Variants in SLC25A22 observed in about 807,000 individuals in gnomAD.
SLC25A22 encodes mitochondrial glutamate carrier 1.
Under a neutral mutation model 33.7 loss-of-function variants are expected in SLC25A22, and 23 were observed. That is an observed-to-expected ratio of 0.68 (90% CI 0.49 to 0.97). The LOEUF (loss-of-function observed/expected upper bound fraction) is 0.97, where lower values mean the gene tolerates loss of function less well. SLC25A22 is among the 50% of genes least tolerant of loss of function. The pLI is 0.00. For synonymous variants in SLC25A22, 245 were observed against 203.8 expected (o/e 1.20, Z -1.72); for missense variants, 390 against 451.1 (o/e 0.86, Z 1.23).
chr11:793,957 C>G (rs945792799), intron 4 of SLC25A22: 2 of 477,912 alleles, frequency 4.2e-6, no homozygotes, highest in African/African-American at 3.9e-5. Flanking sequence ...GGTGCTTGTG[C>G]TGGCAGGGGG....
chr11:792,321 G>A lies in SLC25A22; in HGVS notation c.725C>T (p.Ala242Val), dbSNP rs781424186. 24 of 1,613,106 alleles carry A rather than the reference G, an allele frequency of 1.5e-5. No individual in the cohort carries two copies. The Admixed American group carries it at 1.5e-4, about 10-fold the overall frequency. The change falls in exon 8 of 10, where the codon GCC becomes GTC. Residue 242 changes from alanine (A) to valine (V), a missense_variant. Coordinates refer to ENST00000628067, the MANE Select transcript of SLC25A22 (RefSeq NM_001191061.2). The stretch of plus-strand genomic sequence containing the variant: ...GCACTGACCATCACAGGGGTTGACG[G>A]CCACAGCGGCGGCACTCCCAGCCAC... ...GCVAGSAAAV[A>V]VNPCDVVKTR...
intron 4 of SLC25A22, 78 bp downstream of exon 4, chr11:794,380 T>TC (rs1864682432): frequency 6.5e-7 from 1 of 1,536,566 alleles, no homozygotes; most frequent in South Asian, 1.2e-5. Flanking sequence ...CTGCCCTGCC[T>TC]CCCCCACCGC....
intron 1 of SLC25A22, 47 bp downstream of exon 1, chr11:798,170 G>T: frequency 5.1e-6 from 2 of 395,662 alleles, no homozygotes; most frequent in Non-Finnish European, 8.9e-6. Flanking sequence ...CAGCCCGGCC[G>T]CGTTCGGATG....
Position 791,677 on chromosome 11 carries a change from G to A in SLC25A22, c.*238C>T, listed in dbSNP as rs1004873636. 5 of 594,508 alleles carry A rather than the reference G, an allele frequency of 8.4e-6. No individual in the cohort carries two copies. The highest frequency in any genetic ancestry group is 1.2e-5 in the Non-Finnish European group (4 of 338,824). 36.8% of individuals were successfully genotyped at this position (594,508 alleles called of 1,614,324 possible). ...AGGATTGGGGCAGGGGCTAGCTTGA[G>A]GAATGTAAAGATTTCTGCATTTTCT... On this transcript the variant is annotated 3_prime_UTR_variant, in exon 10 of 10. Transcript: ENST00000628067.
chr11:793,108 G>C (rs1864624531), intron 5 of SLC25A22, 120 bp from the exon 6 acceptor site: 1 of 942,584 alleles, frequency 1.1e-6, no homozygotes. Flanking sequence ...ATGCAGGCCT[G>C]TGGGGGTACA....
intron 1 of SLC25A22, chr11:797,951 C>T (rs1864923063): frequency 5.0e-6 from 2 of 398,312 alleles, no homozygotes; most frequent in Admixed American, 4.4e-5. Context: ...GGCCTTTCTT[C>T]CTTGGGCTCG....
Position 793,260 on chromosome 11 carries a change from G to A in SLC25A22, c.293+269C>T, listed in dbSNP as rs562758912. 2.6e-5 allele frequency among the ~76,000 whole-genome samples: 4 copies of A among 152,290 alleles called. 1 individual carries two copies. Among genetic ancestry groups the A allele is most frequent in the African/African-American group, 9.6e-5 (4 of 41,578 alleles). On this transcript the variant is annotated intron_variant, in intron 5 of 9. Coordinates refer to ENST00000628067, the MANE Select transcript of SLC25A22 (RefSeq NM_001191061.2). ...ATTGGGGGTCAAGTGCCCCAAAAAG[G>A]GGCTGCCCTTGCAGTCCCCCTCCAG...
In SLC25A22 at chr11:794,527, GA is replaced by G. The variant is rs752991536; in HGVS notation, c.147-15del. 2.1e-5 allele frequency: 34 copies of G among 1,611,642 alleles called. No individual in the cohort carries two copies. The highest frequency in any genetic ancestry group is 2.8e-5 in the Non-Finnish European group (33 of 1,179,430). On this transcript the variant is annotated splice_polypyrimidine_tract_variant and intron_variant, in intron 3 of 9. Coordinates refer to ENST00000628067, the MANE Select transcript of SLC25A22 (RefSeq NM_001191061.2). The stretch of plus-strand genomic sequence containing the variant: ...AGGCAGTCGGACCTGTGGCCAAGGG[GA>G]CAGGGTGAGCCAGGGCCAGCTGGGG...
chr11:796,131 G>C (rs1400556947), intron 1 of SLC25A22: 1 of 152,958 alleles, frequency 6.5e-6, no homozygotes, highest in African/African-American at 2.4e-5. Flanking sequence ...TTCCAGGGCT[G>C]GGCCATCCAC....
At position 794,580 on chromosome 11, in the gene SLC25A22, T is replaced by C. The variant is rs755611103; in HGVS notation, c.147-67A>G. 7 of 1,579,082 alleles carry C rather than the reference T, an allele frequency of 4.4e-6. No individual in the cohort carries two copies. In the African/African-American group the frequency reaches 9.5e-5, roughly 21 times the overall value. On this transcript the variant is annotated intron_variant, in intron 3 of 9. Transcript: ENST00000628067. ...CAGCCGGAGGCCAGGGTCCCTGGACTGTCTAGGGCTGATAGAAGAGGCCAA... is the reference window on the plus strand; with the variant it reads ...CAGCCGGAGGCCAGGGTCCCTGGACCGTCTAGGGCTGATAGAAGAGGCCAA...
intron 1 of SLC25A22, chr11:798,001 G>A: frequency 2.5e-6 from 1 of 398,442 alleles, no homozygotes. Context: ...TATGTGCGGG[G>A]AGCGCGCCCG....
chr11:794,361 C>A (rs1250475341), intron 4 of SLC25A22, 97 bp downstream of exon 4: 2 of 1,412,368 alleles, frequency 1.4e-6, no homozygotes, highest in African/African-American at 2.9e-5. Context: ...CAGGCCCAGG[C>A]TGGCCGCCCT....
Position 792,597 on chromosome 11 carries a change from A to G in SLC25A22, c.543T>C (p.Arg181=), listed in dbSNP as rs1864587847. 1.2e-6 allele frequency: 2 copies of G among 1,610,648 alleles called. No homozygotes were observed. Among genetic ancestry groups the G allele is most frequent in the Non-Finnish European group, 1.7e-6 (2 of 1,179,208 alleles). ...GTCCCTTGTAGAGACCGGCAATGCC[A>G]CGGCTCCGCAGCAGGTCGCGGGTCA... ...TQLTRDLLRS[R]GIAGLYKGLG... is the part of the protein sequence containing the mutation. Residue 181 remains arginine, a synonymous_variant, in exon 7 of 10, where the codon CGT becomes CGC. Coordinates refer to ENST00000628067, the MANE Select transcript of SLC25A22 (RefSeq NM_001191061.2).
At chr11:798,194 G>T in intron 1 of SLC25A22, 23 bp downstream of exon 1, 1 of 397,506 alleles carries the variant, frequency 2.5e-6, no homozygotes, top group East Asian at 3.6e-5. Context: ...GCAGCAGAAG[G>T]GAGCCGCCGG....
rs1345797613 is a variant in SLC25A22, at chr11:790,543, TC to T, written c.*1371del. The T allele has an allele frequency of 6.6e-6, 1 of 152,112 alleles. No individual in the cohort carries two copies. The highest frequency in any genetic ancestry group is 1.5e-5 in the Non-Finnish European group (1 of 68,020). 9.4% of individuals were successfully genotyped at this position (152,112 alleles called of 1,614,324 possible). ...AAAAGTTACAACTTCTTAAAACTCTTCAAAAGAAAAAAATATAATTCTGTAA... is the reference window on the plus strand; with the variant it reads ...AAAAGTTACAACTTCTTAAAACTCTTAAAAGAAAAAAATATAATTCTGTAA... On this transcript the variant is annotated 3_prime_UTR_variant, in exon 10 of 10. Transcript: ENST00000628067.
chr11:792,749 TCTC>T (rs1864601973), intron 6 of SLC25A22, 22 bp from the exon 7 acceptor site: 7 of 1,544,646 alleles, frequency 4.5e-6, no homozygotes, highest in South Asian at 2.4e-5. Context: ...GAGGCTGCTG[TCTC>T]CTCTTCTGTG....
At chr11:795,962 T>C (rs1590124511) in intron 1 of SLC25A22, 1 of 152,358 alleles carries the variant, frequency 6.6e-6, no homozygotes, top group South Asian at 2.1e-4. Context: ...GGGCCTCCCA[T>C]AGGGTCATGG....
Position 795,143 on chromosome 11 carries a change from C to T in SLC25A22, c.-137G>A. The stretch of plus-strand genomic sequence containing the variant: ...GGTGCTCCACCTTCAGGGGAATTTC[C>T]AGGCGTCAGCAACCGCCACTTCTGT... On this transcript the variant is annotated 5_prime_UTR_variant, in exon 2 of 10. Transcript: ENST00000628067. 9.3e-7 allele frequency: 1 copy of T among 1,074,186 alleles called. No homozygotes were observed. The allele number at this position is 1,074,186 out of a possible 1,614,324, so 66.5% of individuals were successfully genotyped here.
rs1012662868 is a variant in SLC25A22 at position 791,800 on chromosome 11, C to T, written c.*115G>A. The T allele has an allele frequency of 7.1e-7, 1 of 1,408,230 alleles. No individual in the cohort carries two copies. The highest frequency in any genetic ancestry group is 1.4e-5 in the African/African-American group (1 of 69,822). The allele number at this position is 1,408,230 out of a possible 1,614,324, so 87.2% of individuals were successfully genotyped here. The stretch of plus-strand genomic sequence containing the variant: ...ACCCTGCACCCTGCCCCCTGCTGCC[C>T]CTGCCGACGGGAGGGCTGGGGAGGG... On this transcript the variant is annotated 3_prime_UTR_variant, in exon 10 of 10. Coordinates refer to ENST00000628067, the MANE Select transcript of SLC25A22 (RefSeq NM_001191061.2).
Sources: allele counts gnomAD v4.1 joint callset (sites outside exome capture counted in the v4.1 genomes callset), GRCh38; gene constraint gnomAD v4.1.1; transcripts MANE v1.5; gene names NCBI Gene and HGNC (gene_info 2026-07-23, HGNC 2026-07-21).